Variants in KIF13A observed in about 807,000 individuals in gnomAD.
KIF13A encodes kinesin-like protein KIF13A.
A neutral mutation model predicts 212.2 loss-of-function variants in KIF13A; 79 were observed. The observed-to-expected ratio is 0.37, with a 90% CI of 0.31 to 0.45. The LOEUF (loss-of-function observed/expected upper bound fraction) is 0.45, where lower values mean the gene tolerates loss of function less well. Ranked by LOEUF, KIF13A falls within the 20% of genes least tolerant of loss-of-function variation. The pLI, the probability that KIF13A is intolerant of heterozygous loss-of-function variation, is 1.00. For synonymous variants in KIF13A, 789 were observed against 808.6 expected (o/e 0.98, Z 0.41); for missense variants, 1,901 against 2,209.0 (o/e 0.86, Z 2.79).
intron 25 of KIF13A, among the ~76,000 whole-genome samples, chr6:17,792,078 C>T (rs1354939622): frequency 6.6e-6 from 1 of 150,984 alleles, no homozygotes; most frequent in East Asian, 2.0e-4. Context: ...TGGCAGGTGC[C>T]CGTAATCCCA....
intron 2 of KIF13A, among the ~76,000 whole-genome samples, chr6:17,969,036 C>T (rs909641923): frequency 6.6e-6 from 1 of 152,164 alleles, no homozygotes; most frequent in African/African-American, 2.4e-5. Flanking sequence ...TCTGGGACCA[C>T]ACACCACCTC....
At chr6:17,803,659 C>A (rs1194045677) in intron 20 of KIF13A, among the ~76,000 whole-genome samples, 1 of 152,112 alleles carries the variant, frequency 6.6e-6, no homozygotes, top group Non-Finnish European at 1.5e-5. Flanking sequence ...CAAAATAATC[C>A]TCCTGAGTTG....
intron 2 of KIF13A, among the ~76,000 whole-genome samples, chr6:17,938,735 C>T (rs2150550630): frequency 6.6e-6 from 1 of 152,012 alleles, no homozygotes; most frequent in Non-Finnish European, 1.5e-5. Flanking sequence ...TCTCTTTCCT[C>T]CATTTTCTTC....
At chr6:17,847,252 C>A (rs1013164224) in intron 9 of KIF13A, among the ~76,000 whole-genome samples, 3 of 152,202 alleles carry the variant, frequency 2.0e-5, no homozygotes, top group African/African-American at 7.2e-5. Context: ...TCTTTGAAAC[C>A]TGCTCCTTCA....
rs959081296 is a variant in KIF13A at position 17,776,895 on chromosome 6, T to G, written c.4170+382A>C. Among the ~76,000 whole-genome samples, 7 of 152,184 alleles carry G rather than the reference T, an allele frequency of 4.6e-5. No individual in the cohort carries two copies. The highest frequency in any genetic ancestry group is 1.7e-4 in the African/African-American group (7 of 41,432). ...TGCAGTGGCTGACTCCTTATCACACTGATGGTGGCAGACTCAGAGCCACCA... is the reference window on the plus strand; with the variant it reads ...TGCAGTGGCTGACTCCTTATCACACGGATGGTGGCAGACTCAGAGCCACCA... On this transcript the variant is annotated intron_variant, in intron 34 of 38. Coordinates refer to ENST00000259711, the MANE Select transcript of KIF13A (RefSeq NM_022113.6). The surrounding 1 kb of genome is among the most constrained non-coding windows in gnomAD (Gnocchi z 4.6).
intron 3 of KIF13A, among the ~76,000 whole-genome samples, chr6:17,882,503 CA>C (rs1387089225): frequency 2.6e-5 from 4 of 151,906 alleles, no homozygotes; most frequent in African/African-American, 9.7e-5. Context: ...CAAAGTGAGC[CA>C]AAACCTACCC....
chr6:17,825,409 T>C lies in KIF13A; in HGVS notation c.1786+359A>G, dbSNP rs184056637. On this transcript the variant is annotated intron_variant, in intron 16 of 38. Coordinates refer to ENST00000259711, the MANE Select transcript of KIF13A (RefSeq NM_022113.6). This position sits in a 1 kb window ranked among gnomAD's most constrained non-coding sequence, Gnocchi z 4.5. ...TTGAAATTCCTGAATTTATATTCTG[T>C]TGGGGATTTTCACATTCTCAAGGAT... Among the ~76,000 whole-genome samples, 6 of 152,352 alleles carry C rather than the reference T, an allele frequency of 3.9e-5. No individual in the cohort carries two copies. In the East Asian group the frequency reaches 9.6e-4, roughly 24 times the overall value.
rs983713660 is a variant in KIF13A, at chr6:17,898,942, C to T, written c.147-762G>A. On this transcript the variant is annotated intron_variant, in intron 2 of 38. Transcript: ENST00000259711. The surrounding 1 kb of genome is among the most constrained non-coding windows in gnomAD (Gnocchi z 5.2). ...CCTTGAACTCCTGGGCTCAACTGATCCTCCTACCTCAGCCTCCCACATAAC... is the reference window on the plus strand; with the variant it reads ...CCTTGAACTCCTGGGCTCAACTGATTCTCCTACCTCAGCCTCCCACATAAC... Among the ~76,000 whole-genome samples, 1 of 152,012 alleles carries T rather than the reference C, an allele frequency of 6.6e-6. No homozygotes were observed. Among genetic ancestry groups the T allele is most frequent in the Non-Finnish European group, 1.5e-5 (1 of 68,014 alleles).
chr6:17,913,163 T>C (rs1169347077), intron 2 of KIF13A, among the ~76,000 whole-genome samples: 1 of 151,900 alleles, frequency 6.6e-6, no homozygotes, highest in Non-Finnish European at 1.5e-5. Flanking sequence ...CTGGTCCCTT[T>C]TACTAAGAGA....
At chr6:17,876,129 C>G (rs2150441567) in intron 3 of KIF13A, among the ~76,000 whole-genome samples, 1 of 152,252 alleles carries the variant, frequency 6.6e-6, no homozygotes, top group East Asian at 1.9e-4. Context: ...CAAATGCAGC[C>G]CAGGTGACTC....
downstream of KIF13A, chr6:17,760,755 G>A (rs1758545769): frequency 8.1e-7 from 1 of 1,239,060 alleles, no homozygotes; most frequent in Non-Finnish European, 1.2e-6. Context: ...CTGAGGTCCA[G>A]CCAGGCGGCA....
chr6:17,984,636 G>GT lies in KIF13A; in HGVS notation c.146+2417dup, dbSNP rs1286628719. On this transcript the variant is annotated intron_variant, in intron 2 of 38. Transcript: ENST00000259711. This position sits in a 1 kb window ranked among gnomAD's most constrained non-coding sequence, Gnocchi z 5.0. ...AATGCATTCTCACTTGTTTTTACTG[G>GT]TAAGACTGAAAACTTTCACCCACTA... 2 of 728,108 alleles carry GT rather than the reference G, an allele frequency of 2.7e-6. No homozygotes were observed. Among genetic ancestry groups the GT allele is most frequent in the East Asian group, 2.6e-4 (2 of 7,614 alleles). 45.1% of individuals were successfully genotyped at this position (728,108 alleles called of 1,614,324 possible).
At chr6:17,966,252 T>C (rs1047731371) in intron 2 of KIF13A, among the ~76,000 whole-genome samples, 11 of 152,192 alleles carry the variant, frequency 7.2e-5, no homozygotes, top group Admixed American at 5.9e-4. Context: ...ATAAAAATTA[T>C]GTGTATGTAT....
chr6:17,781,293 G>A lies in KIF13A; in HGVS notation c.3553C>T (p.Leu1185Phe). The part of the protein sequence containing the change: ...VLFLDLNADD[L>F]SANEQLVGPH... ...CCAACAAGCTGCTCATTGGCACTGA[G>A]GTCATCCGCTAACCACATCAGGAGC... The change falls in exon 30 of 39, where the codon CTC becomes TTC. Residue 1185 changes from leucine (L) to phenylalanine (F), a missense_variant. Physicochemically the swap from Leu to Phe is conservative, Grantham distance 22 (BLOSUM62 0). Around this residue, in one of 5 missense-constraint regions of KIF13A, gnomAD observed 687 missense variants for 759.1 expected, o/e 0.90. Coordinates refer to ENST00000259711, the MANE Select transcript of KIF13A (RefSeq NM_022113.6). 4.4e-6 allele frequency: 7 copies of A among 1,606,450 alleles called. No homozygotes were observed. The highest frequency in any genetic ancestry group is 5.9e-6 in the Non-Finnish European group (7 of 1,177,186).
Position 17,825,303 on chromosome 6 carries a change from T to G in KIF13A, c.1786+465A>C, listed in dbSNP as rs896938363. Among the ~76,000 whole-genome samples the G allele has an allele frequency of 6.6e-6, 1 of 152,234 alleles. No homozygotes were observed. Among genetic ancestry groups the G allele is most frequent in the Non-Finnish European group, 1.5e-5 (1 of 68,044 alleles). ...TTTTTGTAAAAGTGATCTGGGCTTATTAAATAAATATCTTTGGGGTAAAAT... is the reference window on the plus strand; with the variant it reads ...TTTTTGTAAAAGTGATCTGGGCTTAGTAAATAAATATCTTTGGGGTAAAAT... On this transcript the variant is annotated intron_variant, in intron 16 of 38. Transcript: ENST00000259711. The surrounding 1 kb of genome is among the most constrained non-coding windows in gnomAD (Gnocchi z 4.5).
intron 9 of KIF13A, among the ~76,000 whole-genome samples, chr6:17,848,480 CAT>C (rs1491364566): frequency 2.7e-5 from 4 of 150,066 alleles, no homozygotes; most frequent in Non-Finnish European, 5.9e-5. Context: ...TTAGCTTCCA[CAT>C]ATGTCAGAAT....
intron 2 of KIF13A, among the ~76,000 whole-genome samples, chr6:17,903,990 T>C (rs1773274788): frequency 6.7e-6 from 1 of 149,528 alleles, no homozygotes; most frequent in African/African-American, 2.5e-5. Flanking sequence ...CCATCTTTAC[T>C]AAAAATAAAA....
At chr6:17,979,504 T>C (rs1002658296) in intron 2 of KIF13A, among the ~76,000 whole-genome samples, 1 of 152,190 alleles carries the variant, frequency 6.6e-6, no homozygotes, top group East Asian at 1.9e-4. Context: ...ATTTACAAAA[T>C]GCTTTTGGTG....
At chr6:17,980,966 A>G (rs1313549129) in intron 2 of KIF13A, among the ~76,000 whole-genome samples, 1 of 152,144 alleles carries the variant, frequency 6.6e-6, no homozygotes, top group Non-Finnish European at 1.5e-5. Flanking sequence ...AAATTCCAAA[A>G]GAATGAATTA....
Sources: gnomAD v4.1 joint callset for allele counts (sites outside exome capture counted in the v4.1 genomes callset) on GRCh38, gnomAD v4.1.1 for gene constraint, gnomAD v4.1.1 regional missense constraint, Gnocchi (gnomAD v3.1) non-coding constraint, MANE v1.5 for transcripts, NCBI Gene and HGNC (gene_info 2026-07-23, HGNC 2026-07-21) for gene names.